The following AVEN variants were observed in gnomAD, a reference collection of about 807,000 sequenced individuals.
The protein encoded by AVEN is cell death regulator Aven.
In AVEN, 41 loss-of-function variants were observed where a neutral mutation model predicts 38.1. The observed-to-expected ratio is 1.08, with a 90% confidence interval of 0.84 to 1.40. The LOEUF is 1.40. Ranked by LOEUF, AVEN falls within the 40% of genes most tolerant of loss-of-function variation. The probability of loss-of-function intolerance (pLI) is 0.00; values close to 1 mark genes in which losing one functional copy is unlikely to be tolerated. For synonymous variants in AVEN, 206 were observed against 171.8 expected (o/e 1.20, Z -1.56); for missense variants, 605 against 438.8 (o/e 1.38, Z -3.38).
At chr15:33,865,007 C>T (rs1055246042), downstream of AVEN, 10 of 647,110 alleles carry the variant, frequency 1.5e-5, no homozygotes, top group Non-Finnish European at 2.7e-5. Flanking sequence ...AATGAATGTG[C>T]AGGTTTGGCC....
chr15:33,939,334 T>C (rs1894221731), intron 2 of AVEN, among the ~76,000 whole-genome samples: 1 of 152,240 alleles, frequency 6.6e-6, no homozygotes, highest in Non-Finnish European at 1.5e-5. Flanking sequence ...GAGTATCAAA[T>C]GGAACCATTT....
intron 2 of AVEN, among the ~76,000 whole-genome samples, chr15:33,938,608 A>G (rs1894192361): frequency 6.6e-6 from 1 of 152,236 alleles, no homozygotes; most frequent in African/African-American, 2.4e-5. Context: ...TAGAATACAC[A>G]AAGAACTACA....
chr15:33,895,956 A>G (rs1014887461), intron 2 of AVEN, among the ~76,000 whole-genome samples: 2 of 152,180 alleles, frequency 1.3e-5, no homozygotes, highest in African/African-American at 4.8e-5. Context: ...CGCATAAGGC[A>G]GTGGGTAGAG....
Position 34,063,653 on chromosome 15 carries a change from G to C in AVEN, n.1127-221C>G. 6.2e-7 allele frequency: 1 copy of C among 1,614,130 alleles called. No homozygotes were observed. Among genetic ancestry groups the C allele is most frequent in the Non-Finnish European group, 8.5e-7 (1 of 1,180,030 alleles). ...GCAGCTACCCTTCCTCAGAGGATGAGGACAAGCCCGCCACTGACCCTGTCC... is the reference window on the plus strand; with the variant it reads ...GCAGCTACCCTTCCTCAGAGGATGACGACAAGCCCGCCACTGACCCTGTCC... On this transcript the variant is annotated intron_variant and non_coding_transcript_variant, in intron 4 of 11. Coordinates refer to the AVEN transcript ENST00000675287. This position sits in a 1 kb window ranked among gnomAD's most constrained non-coding sequence, Gnocchi z 4.1.
Position 34,060,389 on chromosome 15 carries a change from A to T in AVEN, n.1637+2533T>A, listed in dbSNP as rs553551460. Among the ~76,000 whole-genome samples, 324 of 152,256 alleles carry T rather than the reference A, an allele frequency of 2.1e-3. 4 individuals carry two copies. In the South Asian group the frequency reaches 0.026, roughly 12 times the overall value. ...ATATCATCAACTCGATTCCATATTG[A>T]ATTTGAGGTGTTATGAAAACACCCA... is the stretch of plus-strand genomic sequence containing the variant. On this transcript the variant is annotated intron_variant and non_coding_transcript_variant, in intron 5 of 11. Coordinates refer to the AVEN transcript ENST00000675287.
At chr15:34,030,619 C>T (rs924314085) in intron 1 of AVEN, among the ~76,000 whole-genome samples, 4 of 151,700 alleles carry the variant, frequency 2.6e-5, no homozygotes, top group African/African-American at 4.8e-5. Context: ...TGAGCCACCA[C>T]GCCCAGCCTG....
At chr15:33,948,726 G>A (rs1461764653) in intron 2 of AVEN, among the ~76,000 whole-genome samples, 1 of 152,162 alleles carries the variant, frequency 6.6e-6, no homozygotes, top group Non-Finnish European at 1.5e-5. Context: ...AGGCTGGAGT[G>A]CAGTGGCACA....
At chr15:33,992,885 A>G (rs957838874) in intron 2 of AVEN, among the ~76,000 whole-genome samples, 1 of 152,274 alleles carries the variant, frequency 6.6e-6, no homozygotes, top group East Asian at 1.9e-4. Flanking sequence ...ATAAAATTAA[A>G]TTGAAGAAAA....
chr15:33,891,607 ATTT>A (rs1481657629), intron 2 of AVEN, among the ~76,000 whole-genome samples: 9 of 152,028 alleles, frequency 5.9e-5, no homozygotes, highest in African/African-American at 2.2e-4. Context: ...TATGTGCCAC[ATTT>A]TCTCAATCCA....
chr15:34,029,109 A>G (rs1898638245), intron 1 of AVEN, among the ~76,000 whole-genome samples: 1 of 152,102 alleles, frequency 6.6e-6, no homozygotes, highest in Non-Finnish European at 1.5e-5. Flanking sequence ...GTAGACATTC[A>G]TTCTCAGGCT....
At chr15:33,997,132 T>C (rs1256809547) in intron 2 of AVEN, among the ~76,000 whole-genome samples, 1 of 152,112 alleles carries the variant, frequency 6.6e-6, no homozygotes, top group Non-Finnish European at 1.5e-5. Flanking sequence ...ATCTTTAACC[T>C]TGGGAGAAAG....
chr15:34,050,186 C>G (rs768708472), intron 5 of AVEN, among the ~76,000 whole-genome samples: 52 of 152,090 alleles, frequency 3.4e-4, no homozygotes, highest in South Asian at 8.3e-4. Flanking sequence ...CCATGCCTGG[C>G]CTCAACATTC....
intron 2 of AVEN, among the ~76,000 whole-genome samples, chr15:33,946,635 G>T (rs537826863): frequency 1.3e-5 from 2 of 152,274 alleles, no homozygotes; most frequent in South Asian, 4.1e-4. Flanking sequence ...GGTAGGAAGC[G>T]TGGGGCAGTT....
At chr15:33,966,754 T>C (rs992759376) in intron 2 of AVEN, among the ~76,000 whole-genome samples, 5 of 152,136 alleles carry the variant, frequency 3.3e-5, no homozygotes, top group Admixed American at 6.6e-5. Flanking sequence ...CCTCATGCTA[T>C]TGTATTCTTG....
At chr15:33,945,749 C>A (rs1894484502) in intron 2 of AVEN, among the ~76,000 whole-genome samples, 1 of 152,108 alleles carries the variant, frequency 6.6e-6, no homozygotes, top group Admixed American at 6.5e-5. Flanking sequence ...CCACGCCTGG[C>A]TAATTTTTTT....
At chr15:33,902,413 T>C (rs1892529771) in intron 2 of AVEN, among the ~76,000 whole-genome samples, 1 of 152,352 alleles carries the variant, frequency 6.6e-6, no homozygotes, top group East Asian at 1.9e-4. Context: ...CTTCACAGTT[T>C]AAGCATACAA....
chr15:34,016,214 A>G (rs992860905), intron 1 of AVEN, among the ~76,000 whole-genome samples: 14 of 152,250 alleles, frequency 9.2e-5, no homozygotes, highest in Non-Finnish European at 4.4e-5. Flanking sequence ...AGCCTGGGCA[A>G]CAAGAGCAAA....
chr15:34,065,906 T>A (rs1353669921), intron 4 of AVEN: 3 of 152,176 alleles, frequency 2.0e-5, no homozygotes, highest in Non-Finnish European at 4.4e-5. Context: ...CGGGTCCTTT[T>A]CAGTCTCATT....
At chr15:33,853,212 TA>T in the AVEN span, 4 of 973,750 alleles carry the variant, frequency 4.1e-6, no homozygotes, top group Admixed American at 1.2e-4. Flanking sequence ...TCAAGAAGAG[TA>T]AGTCACAGAA....
Sources: allele counts gnomAD v4.1 joint callset (sites outside exome capture counted in the v4.1 genomes callset), GRCh38; gene constraint gnomAD v4.1.1; non-coding constraint Gnocchi (gnomAD v3.1); transcripts MANE v1.5; gene names NCBI Gene and HGNC (gene_info 2026-07-23, HGNC 2026-07-21).